The following NDUFA9 variants were observed in gnomAD, a reference collection of about 807,000 sequenced individuals.
NDUFA9 encodes the protein NADH dehydrogenase [ubiquinone] 1 alpha subcomplex subunit 9, mitochondrial.
NDUFA9 carries 23 observed loss-of-function variants against 45.9 expected under a neutral mutation model. The observed-to-expected ratio is 0.50, with a 90% confidence interval of 0.36 to 0.71. The LOEUF is 0.71. NDUFA9 is among the 30% of genes least tolerant of loss of function. NDUFA9 has a pLI of 0.00. For missense variants in NDUFA9, 466 were observed against 488.2 expected (o/e 0.95, Z 0.43); for synonymous variants, 176 against 170.5 (o/e 1.03, Z -0.25).
At chr12:4,670,297 G>A (rs867069520) in intron 8 of NDUFA9, among the ~76,000 whole-genome samples, 5 of 152,246 alleles carry the variant, frequency 3.3e-5, no homozygotes, top group South Asian at 2.1e-4. Context: ...TCAGAAAAAA[G>A]GGGTACAGTT....
chr12:4,668,677 AT>A, intron 7 of NDUFA9, 153 bp downstream of exon 7: 1 of 673,392 alleles, frequency 1.5e-6, no homozygotes, highest in Non-Finnish European at 2.6e-6. Context: ...TAAGAGGTAC[AT>A]GCCTTCTCTG....
rs1859145318 is a variant in NDUFA9 at position 4,689,175 on chromosome 12, G to T, written c.*2067G>T. The T allele has an allele frequency of 6.6e-6, 1 of 152,182 alleles. No individual in the cohort carries two copies. The highest frequency in any genetic ancestry group is 2.4e-5 in the African/African-American group (1 of 41,422). 9.4% of individuals were successfully genotyped at this position (152,182 alleles called of 1,614,324 possible). Reference sequence around the variant, plus strand: ...TAGTATTAACTCTAGTTACCCTACTGATCTATTGAACACCAGGTCTTACTT... The same window carrying T: ...TAGTATTAACTCTAGTTACCCTACTTATCTATTGAACACCAGGTCTTACTT... On this transcript the variant is annotated 3_prime_UTR_variant, in exon 11 of 11. Coordinates refer to ENST00000266544, the MANE Select transcript of NDUFA9 (RefSeq NM_005002.5).
In NDUFA9 at chr12:4,693,042, TG is replaced by T. The variant is rs1238323837; in HGVS notation, c.*5937del. On this transcript the variant is annotated 3_prime_UTR_variant, in exon 11 of 11. Coordinates refer to ENST00000266544, the MANE Select transcript of NDUFA9 (RefSeq NM_005002.5). ...GCTCGCGCCTGTAATCCCAGCACTT[TG>T]GGAGGCTGAGGTGGGAGGATCACTT... The T allele has an allele frequency of 6.6e-6, 1 of 152,356 alleles. No individual in the cohort carries two copies. Among genetic ancestry groups the T allele is most frequent in the Non-Finnish European group, 1.5e-5 (1 of 68,198 alleles). The allele number at this position is 152,356 out of a possible 1,614,324, so 9.4% of individuals were successfully genotyped here.
At chr12:4,661,444 A>G (rs1458963037) in intron 5 of NDUFA9, among the ~76,000 whole-genome samples, 1 of 152,136 alleles carries the variant, frequency 6.6e-6, no homozygotes, top group Non-Finnish European at 1.5e-5. Flanking sequence ...ATGAATTTAT[A>G]GTGGTACCAA....
Position 4,689,222 on chromosome 12 carries a change from T to C in NDUFA9, c.*2114T>C, listed in dbSNP as rs1444205251. ...ACTTCTTCTGTCTTAACTGTAATTA[T>C]CTTCATTTTCTAGCAATGCTATTTC... On this transcript the variant is annotated 3_prime_UTR_variant, in exon 11 of 11. Transcript: ENST00000266544. 6.6e-6 allele frequency: 1 copy of C among 152,334 alleles called. No homozygotes were observed. The highest frequency in any genetic ancestry group is 1.5e-5 in the Non-Finnish European group (1 of 68,126). 9.4% of individuals were successfully genotyped at this position (152,334 alleles called of 1,614,324 possible). A position where few individuals can be genotyped will look rare whatever the true frequency, so the allele number is the denominator to read the frequency against.
chr12:4,654,783 T>C (rs1591542214), intron 2 of NDUFA9, 42 bp from the exon 3 acceptor site: 1 of 1,415,872 alleles, frequency 7.1e-7, no homozygotes, highest in Middle Eastern at 1.9e-4. Flanking sequence ...TATATCCACA[T>C]TATGTTAATG....
At chr12:4,668,634 A>G in intron 7 of NDUFA9, 110 bp downstream of exon 7, 1 of 989,892 alleles carries the variant, frequency 1.0e-6, no homozygotes, top group Non-Finnish European at 1.6e-6. Context: ...TTTCTTTGTC[A>G]ACTTGTGTCA....
intron 9 of NDUFA9, among the ~76,000 whole-genome samples, chr12:4,683,118 A>G (rs1446496196): frequency 6.6e-6 from 1 of 151,384 alleles, no homozygotes; most frequent in Non-Finnish European, 1.5e-5. Flanking sequence ...AGGTGGGAGG[A>G]TCACTTGAGT....
intron 5 of NDUFA9, among the ~76,000 whole-genome samples, chr12:4,661,331 G>A (rs1345711812): frequency 6.6e-6 from 1 of 152,164 alleles, no homozygotes; most frequent in Non-Finnish European, 1.5e-5. Flanking sequence ...TCTGAAATTT[G>A]AATACAGTAG....
intron 6 of NDUFA9, among the ~76,000 whole-genome samples, chr12:4,665,763 T>A (rs1945849805): frequency 7.0e-6 from 1 of 142,468 alleles, no homozygotes. Flanking sequence ...TTTTTTTTTA[T>A]AATAGCCATC....
chr12:4,674,697 T>G (rs1029497078), intron 8 of NDUFA9, among the ~76,000 whole-genome samples: 4 of 152,142 alleles, frequency 2.6e-5, no homozygotes, highest in African/African-American at 9.7e-5. Context: ...ACAAAGAGAC[T>G]TAGACTCCCA....
At chr12:4,686,513 A>G (rs561735967) in intron 10 of NDUFA9, among the ~76,000 whole-genome samples, 57 of 152,062 alleles carry the variant, frequency 3.7e-4, no homozygotes, top group African/African-American at 1.3e-3. Context: ...CCGTGCTCAG[A>G]AAACAGGGGC....
At chr12:4,666,702 C>G (rs1476035031) in intron 6 of NDUFA9, among the ~76,000 whole-genome samples, 1 of 152,134 alleles carries the variant, frequency 6.6e-6, no homozygotes, top group Non-Finnish European at 1.5e-5. Flanking sequence ...TTATTTTTCT[C>G]TATTCCATTG....
intron 5 of NDUFA9, among the ~76,000 whole-genome samples, chr12:4,662,270 G>T (rs1312609529): frequency 1.3e-5 from 2 of 152,172 alleles, no homozygotes; most frequent in Admixed American, 1.3e-4. Context: ...ATTCTACTTT[G>T]ATTTTTCTCC....
intron 1 of NDUFA9, among the ~76,000 whole-genome samples, chr12:4,651,242 CAG>C (rs1475019593): frequency 2.0e-4 from 31 of 151,928 alleles, no homozygotes; most frequent in African/African-American, 6.8e-4. Flanking sequence ...GGTTTTTAAG[CAG>C]AGAAATATAA....
At chr12:4,663,903 A>C (rs1248364185) in intron 6 of NDUFA9, among the ~76,000 whole-genome samples, 1 of 152,182 alleles carries the variant, frequency 6.6e-6, no homozygotes, top group East Asian at 1.9e-4. Context: ...GAAATGAGTA[A>C]GATGTCATTG....
Position 4,682,277 on chromosome 12 carries a change from C to T in NDUFA9, c.873C>T (p.Phe291=), listed in dbSNP as rs1320978014. Reference sequence around the variant, plus strand: ...TGGCTCACAGATTGTTCCTCCCATTCCCCTTGCCGCTTTTTGCCTATCGGT... The same window carrying T: ...TGGCTCACAGATTGTTCCTCCCATTTCCCTTGCCGCTTTTTGCCTATCGGT... ...FAVAHRLFLP[F]PLPLFAYRWV... The change falls in exon 9 of 11, where the codon TTC becomes TTT. Residue 291 remains phenylalanine, a synonymous_variant. Transcript: ENST00000266544. The T allele has an allele frequency of 6.2e-7, 1 of 1,613,076 alleles. No homozygotes were observed. The highest frequency in any genetic ancestry group is 8.5e-7 in the Non-Finnish European group (1 of 1,179,304).
At chr12:4,670,636 T>A (rs572074710) in intron 8 of NDUFA9, among the ~76,000 whole-genome samples, 12 of 152,356 alleles carry the variant, frequency 7.9e-5, no homozygotes, top group African/African-American at 2.4e-4. Context: ...CATTGTTATG[T>A]TCCACTATTA....
In NDUFA9 at chr12:4,662,556, A is replaced by G; in HGVS notation, c.576A>G (p.Arg192=). The change falls in exon 6 of 11, where the codon AGA becomes AGG. Residue 192 remains arginine, a synonymous_variant. Transcript: ENST00000266544. ...AGGCTGTTGGAGAGAAAGTAGTGAGAGATGCATTTCCGGAAGCCATTATCG... is the reference window on the plus strand; with the variant it reads ...AGGCTGTTGGAGAGAAAGTAGTGAGGGATGCATTTCCGGAAGCCATTATCG... ...RNKAVGEKVV[R]DAFPEAIIVK... The G allele has an allele frequency of 6.2e-7, 1 of 1,613,918 alleles. No individual in the cohort carries two copies. The highest frequency in any genetic ancestry group is 8.5e-7 in the Non-Finnish European group (1 of 1,179,824).
Sources: allele counts gnomAD v4.1 joint callset (sites outside exome capture counted in the v4.1 genomes callset), GRCh38; gene constraint gnomAD v4.1.1; transcripts MANE v1.5; gene names NCBI Gene and HGNC (gene_info 2026-07-23, HGNC 2026-07-21).